The following SLC47A2 variants were observed in gnomAD, a reference collection of about 807,000 sequenced individuals.
SLC47A2 encodes multidrug and toxin extrusion protein 2.
A neutral mutation model predicts 67.7 loss-of-function variants in SLC47A2; 52 were observed. The observed-to-expected ratio is 0.77, with a 90% CI of 0.61 to 0.97. SLC47A2 has a LOEUF of 0.97. Among genes scored for constraint, SLC47A2 ranks in the 50% least tolerant of loss-of-function variants. SLC47A2 has a pLI of 0.00. For missense variants in SLC47A2, 676 were observed against 712.3 expected, an observed-to-expected ratio of 0.95 and a Z score of 0.58; for synonymous variants, 278 against 292.9, an observed-to-expected ratio of 0.95 and a Z score of 0.52.
intron 5 of SLC47A2, among the ~76,000 whole-genome samples, chr17:19,710,214 C>G (rs1301509658): frequency 6.6e-6 from 1 of 152,198 alleles, no homozygotes; most frequent in Non-Finnish European, 1.5e-5. Context: ...AGCTGCAAGT[C>G]AAACAGTGAA....
intron 9 of SLC47A2, 57 bp from the exon 10 acceptor site, chr17:19,705,560 G>A (rs1057449059): frequency 5.2e-5 from 80 of 1,529,892 alleles, no homozygotes; most frequent in South Asian, 4.3e-4. Context: ...CAGACCCTGC[G>A]CCGACAGGAC....
chr17:19,712,767 C>T (rs747173157), intron 4 of SLC47A2, 22 bp from the exon 5 acceptor site: 22 of 1,610,748 alleles, frequency 1.4e-5, no homozygotes, highest in East Asian at 2.2e-5. Flanking sequence ...GGAGAAGCTC[C>T]GGAGCTGACC....
At chr17:19,698,506 C>T (rs916081868) in intron 13 of SLC47A2, among the ~76,000 whole-genome samples, 2 of 152,080 alleles carry the variant, frequency 1.3e-5, no homozygotes, top group Non-Finnish European at 2.9e-5. Context: ...CATGTGCCAC[C>T]ATGCTTGGCT....
chr17:19,707,963 C>G (rs1487408560), intron 7 of SLC47A2, 120 bp from the exon 8 acceptor site: 28 of 973,682 alleles, frequency 2.9e-5, no homozygotes, highest in Non-Finnish European at 4.0e-5. Flanking sequence ...TGCTCTTCCC[C>G]CATCCTGGGA....
intron 13 of SLC47A2, among the ~76,000 whole-genome samples, chr17:19,693,002 G>A (rs1056168937): frequency 4.6e-5 from 7 of 152,044 alleles, no homozygotes; most frequent in East Asian, 1.9e-4. Context: ...GTGGTGGTGC[G>A]TGCCTGTAAT....
At position 19,681,555 on chromosome 17, in the gene SLC47A2, A is replaced by C. The variant is rs1245477762; in HGVS notation, c.1280T>G (p.Val427Gly). The change falls in exon 14 of 17, where the codon GTC (valine) becomes GGC (glycine). Residue 427 changes from valine (V) to glycine (G), a missense_variant. Physicochemically the swap from Val to Gly is moderately radical, Grantham distance 109. Coordinates refer to ENST00000433844, the MANE Select transcript of SLC47A2 (RefSeq NM_001099646.3). ...CCACATACCCATGATTCTCATTCTG[A>C]CCACAAAGGTCAGAAGGATGCCCAG... ...LPLGILLTFV[V>G]RMRIMGLWLG... 1 of 1,613,996 alleles carries C rather than the reference A, an allele frequency of 6.2e-7. No individual in the cohort carries two copies. The highest frequency in any genetic ancestry group is 8.5e-7 in the Non-Finnish European group (1 of 1,180,026).
intron 16 of SLC47A2, among the ~76,000 whole-genome samples, chr17:19,679,525 G>T (rs2085267087): frequency 6.6e-6 from 1 of 152,312 alleles, no homozygotes; most frequent in East Asian, 1.9e-4. Context: ...CAGGCTGGCT[G>T]ACAAGCCAGG....
chr17:19,695,784 C>T (rs940171225), intron 13 of SLC47A2, among the ~76,000 whole-genome samples: 2 of 151,176 alleles, frequency 1.3e-5, no homozygotes, highest in South Asian at 2.1e-4. Context: ...TGTGTAATGG[C>T]ACAACCTTGG....
At chr17:19,684,482 G>A (rs954456139) in intron 13 of SLC47A2, among the ~76,000 whole-genome samples, 1 of 152,044 alleles carries the variant, frequency 6.6e-6, no homozygotes, top group Non-Finnish European at 1.5e-5. Flanking sequence ...GAAAGGTCTC[G>A]AATCAATGAC....
chr17:19,706,554 TTCTGGGATGGGTGAGCCGCCATCCTGG>T, intron 9 of SLC47A2, 67 bp downstream of exon 9: 2 of 1,050,276 alleles, frequency 1.9e-6, no homozygotes, highest in Non-Finnish European at 2.7e-6. Context: ...GGGAGGGGGC[TTCTGGGATGGGTGAGCCGCCATCCTGG>T]GGAGGGGGCT....
At chr17:19,700,861 A>G (rs1223865729) in intron 13 of SLC47A2, among the ~76,000 whole-genome samples, 8 of 151,914 alleles carry the variant, frequency 5.3e-5, no homozygotes, top group Non-Finnish European at 1.2e-4. Flanking sequence ...AAAAGTATGA[A>G]TAGTGTCTTT....
intron 4 of SLC47A2, 123 bp from the exon 5 acceptor site, chr17:19,712,868 G>A (rs1472434757): frequency 1.1e-6 from 1 of 895,474 alleles, no homozygotes; most frequent in Non-Finnish European, 1.8e-6. Context: ...CCAGGACTGT[G>A]AAACCTCAGC....
At chr17:19,714,817 A>G in intron 2 of SLC47A2, 28 bp from the exon 3 acceptor site, 1 of 1,613,830 alleles carries the variant, frequency 6.2e-7, no homozygotes, top group Non-Finnish European at 8.5e-7. Flanking sequence ...AGGAAACAAG[A>G]GCTTGTCAGG....
intron 12 of SLC47A2, 116 bp from the exon 13 acceptor site, chr17:19,702,790 C>A: frequency 8.4e-7 from 1 of 1,193,732 alleles, no homozygotes; most frequent in Non-Finnish European, 1.2e-6. Flanking sequence ...GAGGTAGTTG[C>A]CCCACACAAA....
intron 13 of SLC47A2, among the ~76,000 whole-genome samples, chr17:19,688,011 G>C (rs2085462710): frequency 6.6e-6 from 1 of 152,052 alleles, no homozygotes; most frequent in South Asian, 2.1e-4. Context: ...ATAAAGGAGG[G>C]AGGAATATTT....
chr17:19,707,384 G>A (rs1355591413), intron 8 of SLC47A2, among the ~76,000 whole-genome samples: 1 of 152,200 alleles, frequency 6.6e-6, no homozygotes, highest in African/African-American at 2.4e-5. Flanking sequence ...TGGGGCTAAT[G>A]AGGTGGGGTG....
At chr17:19,705,138 A>C in intron 10 of SLC47A2, 1 of 436,284 alleles carries the variant, frequency 2.3e-6, no homozygotes, top group Non-Finnish European at 4.0e-6. Context: ...GTGCATTTTT[A>C]AAGAAAATCC....
chr17:19,713,814 GCCCAGCGCA>G lies in SLC47A2; in HGVS notation c.443+2_443+10del. On this transcript the variant is annotated splice_donor_variant and splice_donor_5th_base_variant and intron_variant, in intron 4 of 16. Transcript: ENST00000433844. LOFTEE classifies it high-confidence loss of function. Reference sequence around the variant, plus strand: ...AGCAAGCCCCACCTCCCCAGCCGGAGCCCAGCGCACCTGGACACGTCCGGGTCCTGCCGG... The same window carrying G: ...AGCAAGCCCCACCTCCCCAGCCGGAGCCTGGACACGTCCGGGTCCTGCCGG... The G allele has an allele frequency of 6.2e-7, 1 of 1,602,992 alleles. No homozygotes were observed. Among genetic ancestry groups the G allele is most frequent in the Non-Finnish European group, 8.5e-7 (1 of 1,173,286 alleles).
intron 11 of SLC47A2, 38 bp downstream of exon 11, chr17:19,704,032 C>A: frequency 6.5e-7 from 1 of 1,527,080 alleles, no homozygotes; most frequent in East Asian, 2.3e-5. Context: ...TGACTCAGGC[C>A]AACGTTTGAA....
Sources: gnomAD v4.1 joint callset for allele counts (sites outside exome capture counted in the v4.1 genomes callset) on GRCh38, gnomAD v4.1.1 for gene constraint, MANE v1.5 for transcripts, NCBI Gene and HGNC (gene_info 2026-07-23, HGNC 2026-07-21) for gene names.